Variants in ZNF44 observed in about 807,000 individuals in gnomAD.
The protein encoded by ZNF44 is gonadotropin inducible transcription repressor-2.
ZNF44 carries 9 observed loss-of-function variants against 11.7 expected under a neutral mutation model. That is an observed-to-expected ratio of 0.77 (90% CI 0.46 to 1.35). The LOEUF is 1.35. ZNF44 is among the 40% of genes most tolerant of loss of function. The probability of loss-of-function intolerance (pLI) is 0.00; values close to 1 mark genes in which losing one functional copy is unlikely to be tolerated. For synonymous variants in ZNF44, 224 were observed against 242.7 expected, an observed-to-expected ratio of 0.92 and a Z score of 0.72; for missense variants, 696 against 743.1, an observed-to-expected ratio of 0.94 and a Z score of 0.74.
chr19:12,279,935 G>T (rs1255483371), intron 1 of ZNF44, among the ~76,000 whole-genome samples: 1 of 151,172 alleles, frequency 6.6e-6, no homozygotes, highest in Non-Finnish European at 1.5e-5. Flanking sequence ...GTGTGTGTGT[G>T]TGTGTGTGTG....
Position 12,272,702 on chromosome 19 carries a change from T to C in ZNF44, c.1553A>G (p.Tyr518Cys). The change falls in exon 4 of 4, where the codon TAC becomes TGC. Residue 518 changes from tyrosine to cysteine, a missense_variant. Physicochemically the swap from Tyr to Cys is radical, Grantham distance 194. Coordinates refer to ENST00000355684, the MANE Select transcript of ZNF44 (RefSeq NM_016264.4). ...ICGKAFSRFS[Y>C]LKTHERTHTA... ...GTGAGTCCTTTCATGAGTTTTTAAG[T>C]AACTGAAACGACTGAAGGCTTTGCC... 6.2e-7 allele frequency: 1 copy of C among 1,613,554 alleles called. No homozygotes were observed. The highest frequency in any genetic ancestry group is 8.5e-7 in the Non-Finnish European group (1 of 1,179,646).
downstream of ZNF44, among the ~76,000 whole-genome samples, chr19:12,267,718 ACT>A: frequency 6.6e-6 from 1 of 152,052 alleles, no homozygotes; most frequent in Non-Finnish European, 1.5e-5. Flanking sequence ...AAAGCAAGAA[ACT>A]CTCACCTGGA....
intron 1 of ZNF44, chr19:12,234,913 G>C (rs1021543294): frequency 2.6e-5 from 4 of 152,252 alleles, no homozygotes; most frequent in Admixed American, 2.6e-4. Context: ...GGAAAACTAG[G>C]ACATGGACAA....
chr19:12,258,332 A>C (rs961905993), intron 5 of ZNF44, among the ~76,000 whole-genome samples: 2 of 34,384 alleles, frequency 5.8e-5, no homozygotes, highest in African/African-American at 4.8e-4. Flanking sequence ...ATCTTGTCTC[A>C]AAAAAAAAAA....
At chr19:12,226,773 A>G (rs1346203794) in intron 3 of ZNF44, among the ~76,000 whole-genome samples, 1 of 152,282 alleles carries the variant, frequency 6.6e-6, no homozygotes, top group Non-Finnish European at 1.5e-5. Flanking sequence ...ATACGTTAAA[A>G]AGATCACTCC....
chr19:12,239,238 C>T (rs1008129556), upstream of ZNF44, among the ~76,000 whole-genome samples: 4 of 150,700 alleles, frequency 2.7e-5, no homozygotes, highest in African/African-American at 4.9e-5. Flanking sequence ...TCAGCCTCCC[C>T]GAGCAGCTGT....
chr19:12,247,482 T>C, downstream of ZNF44: 1 of 1,340,528 alleles, frequency 7.5e-7, no homozygotes, highest in Non-Finnish European at 9.9e-7. Context: ...TATATGAATA[T>C]AACTGGAACT....
chr19:12,256,571 C>G (rs1917267915), intron 5 of ZNF44, among the ~76,000 whole-genome samples: 1 of 152,120 alleles, frequency 6.6e-6, no homozygotes, highest in Non-Finnish European at 1.5e-5. Context: ...GGAATTTAGC[C>G]AAGGTGTCAG....
intron 5 of ZNF44, among the ~76,000 whole-genome samples, chr19:12,259,560 C>T (rs1917408554): frequency 6.6e-6 from 1 of 152,132 alleles, no homozygotes; most frequent in South Asian, 2.1e-4. Context: ...TCCTTCCCTT[C>T]CCTGCTTTGT....
intron 1 of ZNF44, among the ~76,000 whole-genome samples, chr19:12,236,300 G>A (rs907471002): frequency 7.9e-5 from 12 of 152,142 alleles, no homozygotes; most frequent in Non-Finnish European, 1.6e-4. Flanking sequence ...GGTACCCCTG[G>A]GGAGTGTTAA....
intron 1 of ZNF44, chr19:12,293,226 AT>A: frequency 1.3e-6 from 2 of 1,535,904 alleles, no homozygotes; most frequent in Non-Finnish European, 1.7e-6. Flanking sequence ...ACCCCAGTGC[AT>A]CCACCTGATC....
chr19:12,259,173 C>T (rs1275862843), intron 5 of ZNF44, among the ~76,000 whole-genome samples: 2 of 152,104 alleles, frequency 1.3e-5, no homozygotes, highest in South Asian at 2.1e-4. Context: ...CCGCACCTGG[C>T]CCTATGTGAT....
upstream of ZNF44, among the ~76,000 whole-genome samples, chr19:12,238,529 G>A (rs1345860004): frequency 6.6e-6 from 1 of 151,182 alleles, no homozygotes; most frequent in Non-Finnish European, 1.5e-5. Context: ...TCGGGAGGTT[G>A]AGGCAGTAGA....
At chr19:12,228,726 T>A (rs1169852031) in intron 3 of ZNF44, among the ~76,000 whole-genome samples, 1 of 152,120 alleles carries the variant, frequency 6.6e-6, no homozygotes, top group Non-Finnish European at 1.5e-5. Context: ...ACCAGTCCTT[T>A]CCCAAAACAA....
chr19:12,240,959 T>C (rs913999181), upstream of ZNF44, among the ~76,000 whole-genome samples: 1 of 152,202 alleles, frequency 6.6e-6, no homozygotes, highest in Admixed American at 6.5e-5. Flanking sequence ...AAAACTTTTG[T>C]GCACCAAAAG....
At chr19:12,258,252 A>G (rs1917348208) in intron 5 of ZNF44, among the ~76,000 whole-genome samples, 1 of 144,436 alleles carries the variant, frequency 6.9e-6, no homozygotes, top group Non-Finnish European at 1.5e-5. Flanking sequence ...AGGATGCTTC[A>G]GCCCAGATGT....
At chr19:12,271,005 G>A (rs1409864905), downstream of ZNF44, among the ~76,000 whole-genome samples, 1 of 152,086 alleles carries the variant, frequency 6.6e-6, no homozygotes, top group Non-Finnish European at 1.5e-5. Context: ...TTGGTGGAAA[G>A]GAAACTGAAG....
Position 12,272,974 on chromosome 19 carries a change from C to A in ZNF44, c.1281G>T (p.Gly427=), listed in dbSNP as rs752610643. The change falls in exon 4 of 4, where the codon GGG becomes GGT. Residue 427 remains glycine (G), a synonymous_variant. Coordinates refer to ENST00000355684, the MANE Select transcript of ZNF44 (RefSeq NM_016264.4). ...GEKPYECKQC[G]KAFRTSSSLR... is the part of the protein sequence containing the mutation. ...GGGAACTGGAAGTACGGAAGGCTTTCCCACATTGCTTGCATTCATAGGGTT... is the reference window on the plus strand; with the variant it reads ...GGGAACTGGAAGTACGGAAGGCTTTACCACATTGCTTGCATTCATAGGGTT... The A allele has an allele frequency of 1.2e-6, 2 of 1,613,642 alleles. No homozygotes were observed. Among genetic ancestry groups the A allele is most frequent in the East Asian group, 4.5e-5 (2 of 44,798 alleles).
intron 5 of ZNF44, among the ~76,000 whole-genome samples, chr19:12,266,572 G>C (rs1917738640): frequency 6.6e-6 from 1 of 152,188 alleles, no homozygotes; most frequent in South Asian, 2.1e-4. Flanking sequence ...ACAGTGCAGA[G>C]AGGAGAGGTA....
Sources: allele counts gnomAD v4.1 joint callset (sites outside exome capture counted in the v4.1 genomes callset), GRCh38; gene constraint gnomAD v4.1.1; transcripts MANE v1.5; gene names NCBI Gene and HGNC (gene_info 2026-07-23, HGNC 2026-07-21).